LRP2: variants seen among roughly 807,000 people sequenced by gnomAD.
LRP2 encodes LDL receptor related protein 2.
Under a neutral mutation model 531.0 loss-of-function variants are expected in LRP2, and 172 were observed. The ratio of observed to expected loss-of-function variants is 0.32; its 90% CI spans 0.29 to 0.37. The LOEUF (loss-of-function observed/expected upper bound fraction) is 0.37. LRP2 is among the 10% of genes least tolerant of loss of function. The pLI, the probability that LRP2 is intolerant of heterozygous loss-of-function variation, is 1.00. For synonymous variants in LRP2, 1,992 were observed against 2,027.6 expected, an observed-to-expected ratio of 0.98 and a Z score of 0.47; for missense variants, 5,167 against 5,868.3, an observed-to-expected ratio of 0.88 and a Z score of 3.90.
rs770227471 is a variant in LRP2, at chr2:169,142,732, G to A, written c.13050C>T (p.Ser4350=). The A allele has an allele frequency of 5.6e-6, 9 of 1,614,008 alleles. No individual in the cohort carries two copies. The highest frequency in any genetic ancestry group is 1.6e-4 in the Middle Eastern group (1 of 6,084). Residue 4350 remains serine, a synonymous_variant, in exon 71 of 79, where the codon AGC becomes AGT. Transcript: ENST00000649046. ...AGCTGGAGCCTTGGGGACAGGCACAGCTGTATCCTCCAGGTCTCAGAAGGC... is the reference window on the plus strand; with the variant it reads ...AGCTGGAGCCTTGGGGACAGGCACAACTGTATCCTCCAGGTCTCAGAAGGC... ...HLCLLRPGGY[S]CACPQGSSFI...
In LRP2 at chr2:169,223,126, T is replaced by C. The variant is rs529154942; in HGVS notation, c.5538+2184A>G. On this transcript the variant is annotated intron_variant, in intron 33 of 78. Transcript: ENST00000649046. Reference sequence around the variant, plus strand: ...CATTTCCTAGTGCTCATTAAATGAATGAATAAAATGAGCAAGCAACCCAGA... The same window carrying C: ...CATTTCCTAGTGCTCATTAAATGAACGAATAAAATGAGCAAGCAACCCAGA... Among the ~76,000 whole-genome samples the C allele has an allele frequency of 8.5e-5, 13 of 152,314 alleles. No individual in the cohort carries two copies. The East Asian group carries it at 2.1e-3, about 25-fold the overall frequency.
Position 169,294,185 on chromosome 2 carries a change from G to A in LRP2, c.615C>T (p.Asp205=). ...CGTCACTGCCGTCTTGGCAATCATT[G>A]TCATGGTCACAGACATAAGCACGAG... The part of the protein sequence containing the change: ...CIPRAYVCDH[D]NDCQDGSDEH... The change falls in exon 6 of 79, where the codon GAC becomes GAT. Residue 205 remains aspartate, a synonymous_variant. Coordinates refer to ENST00000649046, the MANE Select transcript of LRP2 (RefSeq NM_004525.3). The A allele has an allele frequency of 6.2e-7, 1 of 1,613,766 alleles. No individual in the cohort carries two copies. The highest frequency in any genetic ancestry group is 8.5e-7 in the Non-Finnish European group (1 of 1,179,742).
At chr2:169,318,285 G>T (rs1024405849) in intron 3 of LRP2, among the ~76,000 whole-genome samples, 1 of 151,790 alleles carries the variant, frequency 6.6e-6, no homozygotes, top group Non-Finnish European at 1.5e-5. Context: ...TCTCCCTATG[G>T]TGGCTGTGGC....
chr2:169,135,967 C>G (rs989946598), intron 76 of LRP2, among the ~76,000 whole-genome samples: 4 of 152,194 alleles, frequency 2.6e-5, no homozygotes, highest in Non-Finnish European at 4.4e-5. Context: ...AACCGCCACT[C>G]TTAACTCCCT....
intron 1 of LRP2, among the ~76,000 whole-genome samples, chr2:169,356,135 G>A (rs953176119): frequency 6.6e-5 from 10 of 152,056 alleles, no homozygotes; most frequent in Non-Finnish European, 1.3e-4. Context: ...CAAGCAATCC[G>A]CTCACCTCAG....
At chr2:169,357,576 C>A (rs745912577) in intron 1 of LRP2, among the ~76,000 whole-genome samples, 65 of 151,898 alleles carry the variant, frequency 4.3e-4, no homozygotes, top group Non-Finnish European at 6.9e-4. Flanking sequence ...ATGATCCTCC[C>A]GCCTCAGCAT....
At chr2:169,245,201 C>T (rs752374180) in intron 21 of LRP2, among the ~76,000 whole-genome samples, 7 of 152,146 alleles carry the variant, frequency 4.6e-5, no homozygotes, top group Non-Finnish European at 7.3e-5. Context: ...CTATAAAGTA[C>T]ATATAATTGT....
At chr2:169,203,294 C>A (rs543863856) in intron 42 of LRP2, among the ~76,000 whole-genome samples, 1 of 152,326 alleles carries the variant, frequency 6.6e-6, no homozygotes, top group African/African-American at 2.4e-5. Flanking sequence ...CATATGATCC[C>A]ACCCGCAAAT....
intron 3 of LRP2, among the ~76,000 whole-genome samples, chr2:169,315,316 A>G (rs1193509113): frequency 6.6e-6 from 1 of 152,200 alleles, no homozygotes; most frequent in Admixed American, 6.5e-5. Flanking sequence ...CAATTATGAA[A>G]GTGGATTATA....
intron 1 of LRP2, among the ~76,000 whole-genome samples, chr2:169,348,637 C>G (rs1685760313): frequency 6.6e-6 from 1 of 152,154 alleles, no homozygotes; most frequent in Non-Finnish European, 1.5e-5. Context: ...TTTGGCTTAT[C>G]TTTTTGTAAA....
chr2:169,205,848 G>A (rs1452259074), intron 40 of LRP2, among the ~76,000 whole-genome samples, 175 bp downstream of exon 40: 2 of 152,052 alleles, frequency 1.3e-5, no homozygotes, highest in African/African-American at 4.8e-5. Flanking sequence ...ATCAAAGGGA[G>A]CTATGCGCTG....
chr2:169,282,670 G>C (rs831009), intron 10 of LRP2, among the ~76,000 whole-genome samples: 1 of 152,064 alleles, frequency 6.6e-6, no homozygotes, highest in Admixed American at 6.5e-5. Context: ...GTCACCATTA[G>C]TCGACAAATT....
intron 65 of LRP2, among the ~76,000 whole-genome samples, chr2:169,154,840 C>A (rs762294443): frequency 3.5e-4 from 54 of 152,156 alleles, no homozygotes; most frequent in Admixed American, 5.2e-4. Flanking sequence ...ATTATCAGTT[C>A]TTTATTCTTT....
intron 78 of LRP2, 30 bp downstream of exon 78, chr2:169,128,983 T>A: frequency 1.3e-6 from 2 of 1,571,692 alleles, no homozygotes; most frequent in Non-Finnish European, 1.8e-6. Flanking sequence ...AGAAAAAATG[T>A]CTGTGCTAAG....
At chr2:169,275,501 G>T in intron 13 of LRP2, 1 of 470,678 alleles carries the variant, frequency 2.1e-6, no homozygotes, top group South Asian at 2.2e-5. Context: ...AGACTTTTTT[G>T]GAATTTACTG....
chr2:169,343,939 T>G (rs2105563522), intron 1 of LRP2, among the ~76,000 whole-genome samples: 1 of 152,340 alleles, frequency 6.6e-6, no homozygotes, highest in East Asian at 1.9e-4. Flanking sequence ...ATAGAATTTT[T>G]GCAAATACAT....
intron 1 of LRP2, among the ~76,000 whole-genome samples, chr2:169,349,612 C>T (rs1191861264): frequency 6.6e-6 from 1 of 152,164 alleles, no homozygotes; most frequent in Non-Finnish European, 1.5e-5. Context: ...TTTCTTCCTG[C>T]AATCAGCTCC....
Position 169,128,666 on chromosome 2 carries a change from T to C in LRP2, c.13965A>G (p.Val4655=), listed in dbSNP as rs1460506334. ...TANLVKEDSE[V] is the part of the protein sequence containing the mutation. ...ATTCCCTAAATAGCTGGTATAGCTA[T>C]ACTTCAGAGTCTTCTTTAACAAGAT... The change falls in exon 79 of 79, where the codon GTA becomes GTG. Residue 4655 remains valine (V), a synonymous_variant. Transcript: ENST00000649046. The C allele has an allele frequency of 1.2e-6, 2 of 1,613,866 alleles. No homozygotes were observed. Among genetic ancestry groups the C allele is most frequent in the African/African-American group, 1.3e-5 (1 of 74,938 alleles).
At chr2:169,231,252 C>A (rs749211194) in intron 31 of LRP2, among the ~76,000 whole-genome samples, 1 of 149,910 alleles carries the variant, frequency 6.7e-6, no homozygotes. Flanking sequence ...TATGATTACG[C>A]CATTGCACTA....
Sources: gnomAD v4.1 joint callset for allele counts (sites outside exome capture counted in the v4.1 genomes callset) on GRCh38, gnomAD v4.1.1 for gene constraint, MANE v1.5 for transcripts, NCBI Gene and HGNC (gene_info 2026-07-23, HGNC 2026-07-21) for gene names.